Variants in SNRNP200 observed in about 807,000 individuals in gnomAD.
The protein encoded by SNRNP200 is small nuclear ribonucleoprotein U5 subunit 200.
SNRNP200 carries 66 observed loss-of-function variants against 255.2 expected under a neutral mutation model. That is an observed-to-expected ratio of 0.26 (90% CI 0.21 to 0.32). The LOEUF (loss-of-function observed/expected upper bound fraction) is 0.32, where lower values mean the gene tolerates loss of function less well. Among genes scored for constraint, SNRNP200 ranks in the 10% least tolerant of loss-of-function variants. The pLI, the probability that SNRNP200 is intolerant of heterozygous loss-of-function variation, is 1.00. For synonymous variants in SNRNP200, 939 were observed against 1,027.8 expected (o/e 0.91, Z 1.65); for missense variants, 1,585 against 2,749.8 (o/e 0.58, Z 9.47).
intron 43 of SNRNP200, chr2:96,276,641 C>T (rs1310537215): frequency 6.4e-6 from 3 of 469,006 alleles, no homozygotes; most frequent in Admixed American, 3.0e-5. Context: ...AGGCTGGTCT[C>T]GAACTCCTGA....
chr2:96,302,024 C>G (rs1040778219), intron 3 of SNRNP200, among the ~76,000 whole-genome samples: 1 of 152,188 alleles, frequency 6.6e-6, no homozygotes, highest in African/African-American at 2.4e-5. Context: ...GTCCTCACTT[C>G]CTCTAGCACC....
At chr2:96,297,609 CT>C in intron 10 of SNRNP200, 27 bp downstream of exon 10, 1 of 1,614,188 alleles carries the variant, frequency 6.2e-7, no homozygotes, top group Non-Finnish European at 8.5e-7. Flanking sequence ...CCATCAAGGC[CT>C]GGGAAATAAA....
At chr2:96,295,936 A>G (rs370055610) in intron 13 of SNRNP200, among the ~76,000 whole-genome samples, 1 of 152,292 alleles carries the variant, frequency 6.6e-6, no homozygotes, top group South Asian at 2.1e-4. Flanking sequence ...GCTTGAGCCC[A>G]GGAGTTCTAG....
At position 96,283,493 on chromosome 2, in the gene SNRNP200, A is replaced by T; in HGVS notation, c.4763+42T>A. 1.9e-6 allele frequency: 3 copies of T among 1,613,744 alleles called. No individual in the cohort carries two copies. Among genetic ancestry groups the T allele is most frequent in the Non-Finnish European group, 2.5e-6 (3 of 1,179,898 alleles). Reference sequence around the variant, plus strand: ...GACACCCTTGGAGTAGGCCAGCCTCACTTAACCTAACCCCAACCCCCAGAC... The same window carrying T: ...GACACCCTTGGAGTAGGCCAGCCTCTCTTAACCTAACCCCAACCCCCAGAC... On this transcript the variant is annotated intron_variant, in intron 33 of 44. Transcript: ENST00000323853. The surrounding 1 kb of genome is among the most constrained non-coding windows in gnomAD (Gnocchi z 4.7).
chr2:96,278,125 G>C lies in SNRNP200; in HGVS notation c.5610+112C>G. ...GGTATGGAGCGGGAGGACATATGGC[G>C]GGGGTCGGGGGATGCGTATGGGCGT... On this transcript the variant is annotated intron_variant, in intron 39 of 44. Transcript: ENST00000323853. This position sits in a 1 kb window ranked among gnomAD's most constrained non-coding sequence, Gnocchi z 6.9. The C allele has an allele frequency of 1.3e-6, 2 of 1,558,792 alleles. No homozygotes were observed. Among genetic ancestry groups the C allele is most frequent in the Non-Finnish European group, 1.8e-6 (2 of 1,132,918 alleles).
intron 43 of SNRNP200, among the ~76,000 whole-genome samples, chr2:96,275,692 G>A (rs1055597295): frequency 6.6e-6 from 1 of 152,170 alleles, no homozygotes; most frequent in Admixed American, 6.5e-5. Context: ...TTAAGTACAA[G>A]GCAAATCTGC....
At chr2:96,303,397 C>T in intron 2 of SNRNP200, 67 bp from the exon 3 acceptor site, 2 of 1,569,090 alleles carry the variant, frequency 1.3e-6, no homozygotes, top group South Asian at 2.2e-5. Context: ...CTGGATCAAG[C>T]CCACCCTCCT....
intron 11 of SNRNP200, 69 bp from the exon 12 acceptor site, chr2:96,297,139 G>C (rs2063922083): frequency 6.2e-6 from 10 of 1,609,102 alleles, no homozygotes. Context: ...TTGTGGGATT[G>C]CCAGGATTTT....
chr2:96,290,824 G>A lies in SNRNP200; in HGVS notation c.2422-9C>T, dbSNP rs1221097261. 10 of 1,613,976 alleles carry A rather than the reference G, an allele frequency of 6.2e-6. No homozygotes were observed. The highest frequency in any genetic ancestry group is 8.5e-6 in the Non-Finnish European group (10 of 1,180,004). ...GCTGTGGAAACTAAAACCTACAGAG[G>A]CAAAACAAGGTAATGAGGAGAACAG... is the stretch of plus-strand genomic sequence containing the variant. On this transcript the variant is annotated splice_polypyrimidine_tract_variant and intron_variant, in intron 18 of 44. Transcript: ENST00000323853. The surrounding 1 kb of genome is among the most constrained non-coding windows in gnomAD (Gnocchi z 4.5).
chr2:96,298,496 G>A, intron 8 of SNRNP200, 76 bp from the exon 9 acceptor site: 3 of 1,610,648 alleles, frequency 1.9e-6, no homozygotes, highest in Non-Finnish European at 2.5e-6. Context: ...GTAGAAAGAA[G>A]AAAAATAAAA....
chr2:96,279,174 G>A (rs1431633057), intron 36 of SNRNP200, 176 bp from the exon 37 acceptor site: 3 of 674,262 alleles, frequency 4.4e-6, no homozygotes, highest in Non-Finnish European at 7.9e-6. Flanking sequence ...GGGAACAGAG[G>A]TACAGCAAGT....
At position 96,286,563 on chromosome 2, in the gene SNRNP200, G is replaced by A; in HGVS notation, c.3830-79C>T. 2 of 1,594,162 alleles carry A rather than the reference G, an allele frequency of 1.3e-6. No homozygotes were observed. The highest frequency in any genetic ancestry group is 2.2e-5 in the South Asian group (2 of 90,270). On this transcript the variant is annotated intron_variant, in intron 28 of 44. Coordinates refer to ENST00000323853, the MANE Select transcript of SNRNP200 (RefSeq NM_014014.5). The surrounding 1 kb of genome is among the most constrained non-coding windows in gnomAD (Gnocchi z 4.8). ...CCTCTAGATCCCCTCCATGAACACTGGAAACCTAGGCAGCATATGTATCAC... is the reference window on the plus strand; with the variant it reads ...CCTCTAGATCCCCTCCATGAACACTAGAAACCTAGGCAGCATATGTATCAC...
chr2:96,277,520 C>G lies in SNRNP200; in HGVS notation c.5931+19G>C, dbSNP rs1276387020. 6.2e-7 allele frequency: 1 copy of G among 1,612,222 alleles called. No individual in the cohort carries two copies. Among genetic ancestry groups the G allele is most frequent in the Non-Finnish European group, 8.5e-7 (1 of 1,180,000 alleles). ...CTCTCAGGCTCACCCACCTGACCCT[C>G]TAGGCTGACCCGGCTCACCTTGTCT... On this transcript the variant is annotated intron_variant, in intron 41 of 44. Transcript: ENST00000323853. This position sits in a 1 kb window ranked among gnomAD's most constrained non-coding sequence, Gnocchi z 4.4.
intron 11 of SNRNP200, 103 bp downstream of exon 11, chr2:96,297,260 C>T (rs1286456465): frequency 2.6e-6 from 4 of 1,542,668 alleles, no homozygotes; most frequent in Non-Finnish European, 3.6e-6. Flanking sequence ...GCTTTCAGCC[C>T]TGAAATAAAC....
Position 96,286,719 on chromosome 2 carries a change from G to A in SNRNP200, c.3798C>T (p.Tyr1266=), listed in dbSNP as rs772939553. 3 of 1,614,076 alleles carry A rather than the reference G, an allele frequency of 1.9e-6. No individual in the cohort carries two copies. Among genetic ancestry groups the A allele is most frequent in the East Asian group, 4.5e-5 (2 of 44,890 alleles). ...VPVFEPLPPQ[Y]FIRVVSDRWL... Reference sequence around the variant, plus strand: ...AGCGGTCAGACACCACTCGGATGAAGTACTGAGGGGGCAGCGGTTCAAAGA... The same window carrying A: ...AGCGGTCAGACACCACTCGGATGAAATACTGAGGGGGCAGCGGTTCAAAGA... The change falls in exon 28 of 45, where the codon TAC becomes TAT. Residue 1266 remains tyrosine (Y), a synonymous_variant. Coordinates refer to ENST00000323853, the MANE Select transcript of SNRNP200 (RefSeq NM_014014.5). The surrounding 1 kb of genome is among the most constrained non-coding windows in gnomAD (Gnocchi z 4.8).
In SNRNP200 at chr2:96,291,682, G is replaced by A; in HGVS notation, c.2310+69C>T. On this transcript the variant is annotated intron_variant, in intron 17 of 44. Transcript: ENST00000323853. The surrounding 1 kb of genome is among the most constrained non-coding windows in gnomAD (Gnocchi z 4.2). Reference sequence around the variant, plus strand: ...AATACCACAGTACAGTCCTAGAGGAGCTGTCTGGGGCCTGAGATGGACACA... The same window carrying A: ...AATACCACAGTACAGTCCTAGAGGAACTGTCTGGGGCCTGAGATGGACACA... The A allele has an allele frequency of 1.4e-5, 22 of 1,549,796 alleles. No homozygotes were observed. Among genetic ancestry groups the A allele is most frequent in the Non-Finnish European group, 2.0e-5 (22 of 1,123,794 alleles).
At chr2:96,293,205 C>T in intron 15 of SNRNP200, 110 bp from the exon 16 acceptor site, 2 of 1,570,368 alleles carry the variant, frequency 1.3e-6, no homozygotes, top group Admixed American at 1.7e-5. Context: ...ATTCACACCA[C>T]ATCAAAACCC....
chr2:96,304,214 GGTAAGTTTTTGAAAC>G (rs2063972908), intron 2 of SNRNP200, among the ~76,000 whole-genome samples: 1 of 150,756 alleles, frequency 6.6e-6, no homozygotes, highest in Admixed American at 6.6e-5. Context: ...ATGAGGTAAA[GGTAAGTTTTTGAAAC>G]ATATCCCCAA....
intron 14 of SNRNP200, among the ~76,000 whole-genome samples, chr2:96,294,924 T>A (rs1349151970): frequency 1.3e-5 from 2 of 152,120 alleles, no homozygotes; most frequent in African/African-American, 4.8e-5. Flanking sequence ...AAGAATAACA[T>A]GGCAGGCTAG....
Sources: gnomAD v4.1 joint callset for allele counts (sites outside exome capture counted in the v4.1 genomes callset) on GRCh38, gnomAD v4.1.1 for gene constraint, Gnocchi (gnomAD v3.1) non-coding constraint, MANE v1.5 for transcripts, NCBI Gene and HGNC (gene_info 2026-07-23, HGNC 2026-07-21) for gene names.